Variants in ACSL5 observed in about 807,000 individuals in gnomAD.
The protein encoded by ACSL5 is long-chain-fatty-acid--CoA ligase 5.
Under a neutral mutation model 84.9 loss-of-function variants are expected in ACSL5, and 50 were observed. The observed-to-expected ratio is 0.59, with a 90% CI of 0.47 to 0.75. The LOEUF is 0.75. Ranked by LOEUF, ACSL5 falls within the 30% of genes least tolerant of loss-of-function variation. The pLI is 0.00. For missense variants in ACSL5, 775 were observed against 830.4 expected (o/e 0.93, Z 0.82); for synonymous variants, 280 against 300.7 (o/e 0.93, Z 0.71).
rs144879801 is a variant in ACSL5 at position 112,408,499 on chromosome 10, C to T, written c.510C>T (p.Ala170=). ...VPLYDTLGPE[A]IVHIVNKADI... ...TGTATGACACCTTGGGACCAGAAGC[C>T]ATCGTACATATTGTCAACAAGGGTA... The change falls in exon 6 of 21, where the codon GCC becomes GCT. Residue 170 remains alanine, a synonymous_variant. Coordinates refer to ENST00000354655, the MANE Select transcript of ACSL5 (RefSeq NM_203379.2). 3 of 1,612,024 alleles carry T rather than the reference C, an allele frequency of 1.9e-6. No individual in the cohort carries two copies. In the South Asian group the frequency reaches 3.3e-5, roughly 18 times the overall value.
intron 13 of ACSL5, 57 bp from the exon 14 acceptor site, chr10:112,417,789 G>A (rs1844352681): frequency 2.8e-6 from 4 of 1,420,034 alleles, no homozygotes; most frequent in Admixed American, 3.4e-5. Flanking sequence ...CTCTACAGTG[G>A]AGGAAATTGA....
rs771164139 is a variant in ACSL5 at position 112,398,892 on chromosome 10, G to A, written c.157-9G>A. 1 of 1,613,014 alleles carries A rather than the reference G, an allele frequency of 6.2e-7. No individual in the cohort carries two copies. The highest frequency in any genetic ancestry group is 1.7e-5 in the Admixed American group (1 of 60,006). On this transcript the variant is annotated splice_polypyrimidine_tract_variant and intron_variant, in intron 2 of 20. Transcript: ENST00000354655. The stretch of plus-strand genomic sequence containing the variant: ...TTGAACTTGGCCTAAACTTGGTCTT[G>A]TGTCTTAGGGAGGAGCACGGAAGGG...
intron 3 of ACSL5, among the ~76,000 whole-genome samples, chr10:112,400,103 T>A (rs1843843615): frequency 6.6e-6 from 1 of 152,226 alleles, no homozygotes; most frequent in Non-Finnish European, 1.5e-5. Flanking sequence ...CAGCATTTAC[T>A]TATAGACTTC....
chr10:112,404,424 T>C, intron 3 of ACSL5, 87 bp from the exon 4 acceptor site: 1 of 970,524 alleles, frequency 1.0e-6, no homozygotes, highest in East Asian at 2.6e-5. Flanking sequence ...ACCCTTTGTG[T>C]CTTGCCCCTT....
At chr10:112,403,379 C>G (rs1843950220) in intron 3 of ACSL5, among the ~76,000 whole-genome samples, 1 of 152,240 alleles carries the variant, frequency 6.6e-6, no homozygotes, top group Non-Finnish European at 1.5e-5. Context: ...CTTCCACCTC[C>G]CGGGTGAAGC....
intron 1 of ACSL5, among the ~76,000 whole-genome samples, chr10:112,375,840 G>A (rs895873907): frequency 2.2e-4 from 33 of 152,310 alleles, no homozygotes; most frequent in African/African-American, 6.7e-4. Context: ...ACCAAGGCAG[G>A]CAGCTCTGGC....
chr10:112,400,385 TTTTTTTCC>T, intron 3 of ACSL5, among the ~76,000 whole-genome samples: 2 of 147,260 alleles, frequency 1.4e-5, no homozygotes, highest in South Asian at 4.3e-4. Flanking sequence ...CTGGCTAATT[TTTTTTTCC>T]TTTTTTTCTT....
chr10:112,394,862 A>G lies in ACSL5; in HGVS notation c.-29-56A>G, dbSNP rs1403050827. ...TCCTTCTGAAAACATAGAGCTATTGAGTACAAAAATATGGCCATTTCCTCT... is the reference window on the plus strand; with the variant it reads ...TCCTTCTGAAAACATAGAGCTATTGGGTACAAAAATATGGCCATTTCCTCT... On this transcript the variant is annotated intron_variant, in intron 1 of 20. Transcript: ENST00000354655. The G allele has an allele frequency of 2.5e-6, 4 of 1,591,654 alleles. No individual in the cohort carries two copies. In the South Asian group the frequency reaches 3.3e-5, roughly 13 times the overall value.
At chr10:112,387,223 C>T (rs1589673549) in intron 1 of ACSL5, among the ~76,000 whole-genome samples, 1 of 152,254 alleles carries the variant, frequency 6.6e-6, no homozygotes, top group African/African-American at 2.4e-5. Flanking sequence ...TCTGTCATAT[C>T]CCTAGTAGAA....
intron 1 of ACSL5, chr10:112,376,590 T>C (rs1849244539): frequency 3.3e-6 from 4 of 1,207,620 alleles, no homozygotes; most frequent in Non-Finnish European, 4.6e-6. Context: ...CACATCATGC[T>C]GTCTCCCTCC....
At chr10:112,394,688 A>T (rs1487977649) in intron 1 of ACSL5, 8 of 950,396 alleles carry the variant, frequency 8.4e-6, no homozygotes, top group Non-Finnish European at 7.5e-6. Context: ...CTGTGTGAGG[A>T]CAGTCAAGTA....
intron 1 of ACSL5, among the ~76,000 whole-genome samples, chr10:112,381,519 GCCGGA>G (rs2133563337): frequency 6.6e-6 from 1 of 152,040 alleles, no homozygotes; most frequent in Non-Finnish European, 1.5e-5. Flanking sequence ...ACAAAAATTA[GCCGGA>G]TGTGATGATG....
intron 1 of ACSL5, among the ~76,000 whole-genome samples, chr10:112,387,820 T>C (rs1849482529): frequency 6.6e-6 from 1 of 152,054 alleles, no homozygotes; most frequent in South Asian, 2.1e-4. Context: ...TAAATACAAA[T>C]TAATGAAGGC....
chr10:112,423,221 A>AATAT (rs58826772), intron 17 of ACSL5, among the ~76,000 whole-genome samples: 2,929 of 16,076 alleles, frequency 0.18, 537 homozygotes, highest in African/African-American at 0.25. Context: ...AAAAAAAAAA[A>AATAT]ATATATATAT....
At chr10:112,402,199 C>T (rs1049347234) in intron 3 of ACSL5, among the ~76,000 whole-genome samples, 5 of 152,084 alleles carry the variant, frequency 3.3e-5, no homozygotes, top group Non-Finnish European at 5.9e-5. Context: ...AACTCTTGAG[C>T]TCAAGTGATC....
chr10:112,408,392 C>G, intron 5 of ACSL5, 30 bp from the exon 6 acceptor site: 1 of 1,405,900 alleles, frequency 7.1e-7, no homozygotes, highest in Non-Finnish European at 1.0e-6. Flanking sequence ...GTGTGCCCTC[C>G]AGTCCTTACT....
chr10:112,389,134 A>C (rs1460994961), intron 1 of ACSL5, among the ~76,000 whole-genome samples: 2 of 152,242 alleles, frequency 1.3e-5, no homozygotes, highest in African/African-American at 2.4e-5. Flanking sequence ...AAATGAAGAC[A>C]TGCTGCCCCA....
chr10:112,411,763 G>GCGAC, intron 10 of ACSL5, 139 bp from the exon 11 acceptor site: 1 of 710,858 alleles, frequency 1.4e-6, no homozygotes, highest in South Asian at 2.5e-5. Flanking sequence ...GCAGTTCAAG[G>GCGAC]CATCTCAGAT....
At chr10:112,389,518 A>G (rs907414103) in intron 1 of ACSL5, among the ~76,000 whole-genome samples, 5 of 152,200 alleles carry the variant, frequency 3.3e-5, no homozygotes, top group Non-Finnish European at 5.9e-5. Context: ...TCCCAGACAC[A>G]GCATGACAGA....
Sources: gnomAD v4.1 joint callset for allele counts (sites outside exome capture counted in the v4.1 genomes callset) on GRCh38, gnomAD v4.1.1 for gene constraint, MANE v1.5 for transcripts, NCBI Gene and HGNC (gene_info 2026-07-23, HGNC 2026-07-21) for gene names.